The following BAZ2B variants were observed in gnomAD, a reference collection of about 807,000 sequenced individuals.
BAZ2B encodes the protein bromodomain adjacent to zinc finger domain 2B.
BAZ2B carries 91 observed loss-of-function variants against 246.0 expected under a neutral mutation model. The observed-to-expected ratio is 0.37, with a 90% CI of 0.31 to 0.44. The LOEUF (loss-of-function observed/expected upper bound fraction) is 0.44, where lower values mean the gene tolerates loss of function less well. BAZ2B is among the 20% of genes least tolerant of loss of function. The pLI is 1.00. For missense variants in BAZ2B, 2,332 were observed against 2,533.7 expected (o/e 0.92, Z 1.71); for synonymous variants, 855 against 860.0 (o/e 0.99, Z 0.10).
the BAZ2B span, among the ~76,000 whole-genome samples, chr2:159,630,015 A>G: frequency 2.0e-5 from 3 of 152,320 alleles, no homozygotes; most frequent in Non-Finnish European, 4.4e-5. Flanking sequence ...AAAACCTTTA[A>G]AAAAACATGG....
Position 159,446,923 on chromosome 2 carries a change from G to C in BAZ2B, c.555C>G (p.Asn185Lys), listed in dbSNP as rs375780037. Residue 185 changes from asparagine to lysine, a missense_variant, in exon 6 of 37, where the codon AAC (asparagine) becomes AAG (lysine). Coordinates refer to ENST00000392783, the MANE Select transcript of BAZ2B (RefSeq NM_013450.4). Reference sequence around the variant, plus strand: ...AAGCAGTAGTGGATAGTACAGATGTGTTGATACCAATTACAGATGATGTAT... The same window carrying C: ...AAGCAGTAGTGGATAGTACAGATGTCTTGATACCAATTACAGATGATGTAT... ...GSNTSSVIGINTSVLSTTASS... is the reference protein window; with the variant it reads ...GSNTSSVIGIKTSVLSTTASS... 4 of 1,598,436 alleles carry C rather than the reference G, an allele frequency of 2.5e-6. No individual in the cohort carries two copies. The highest frequency in any genetic ancestry group is 3.4e-6 in the Non-Finnish European group (4 of 1,173,610).
intron 2 of BAZ2B, among the ~76,000 whole-genome samples, chr2:159,482,663 T>C (rs1483126852): frequency 6.6e-6 from 1 of 152,206 alleles, no homozygotes; most frequent in Non-Finnish European, 1.5e-5. Flanking sequence ...TGTCTCATAA[T>C]TGTACCGATA....
intron 3 of BAZ2B, 32 bp downstream of exon 3, chr2:159,478,543 A>C: frequency 6.4e-7 from 1 of 1,565,150 alleles, no homozygotes; most frequent in South Asian, 1.2e-5. Context: ...AAAGAATGGC[A>C]TTCTAAAATT....
intron 2 of BAZ2B, among the ~76,000 whole-genome samples, chr2:159,527,773 GA>G (rs952386991): frequency 2.0e-5 from 3 of 152,100 alleles, no homozygotes; most frequent in Admixed American, 1.3e-4. Flanking sequence ...ACACACAGGA[GA>G]AAAAACACAA....
At chr2:159,479,855 A>C (rs2079049746) in intron 2 of BAZ2B, among the ~76,000 whole-genome samples, 1 of 152,192 alleles carries the variant, frequency 6.6e-6, no homozygotes, top group Non-Finnish European at 1.5e-5. Flanking sequence ...AATCATATAG[A>C]ATTCAAAAAC....
intron 11 of BAZ2B, 112 bp from the exon 12 acceptor site, chr2:159,428,531 AAAAAT>A (rs2070427446): frequency 1.4e-6 from 1 of 692,432 alleles, no homozygotes; most frequent in African/African-American, 1.8e-5. Context: ...AAATGAAAAC[AAAAAT>A]AAACTCCTCA....
At chr2:159,569,583 G>T (rs1383145454) in intron 1 of BAZ2B, among the ~76,000 whole-genome samples, 9 of 152,148 alleles carry the variant, frequency 5.9e-5, no homozygotes, top group Middle Eastern at 3.4e-3. Flanking sequence ...TATAATAAAA[G>T]ATATTTAAAC....
intron 2 of BAZ2B, among the ~76,000 whole-genome samples, chr2:159,488,712 G>A (rs1185285697): frequency 6.6e-6 from 1 of 151,720 alleles, no homozygotes; most frequent in Non-Finnish European, 1.5e-5. Context: ...TTTTTTAGGG[G>A]GAAGAACTAA....
intron 13 of BAZ2B, among the ~76,000 whole-genome samples, chr2:159,421,246 T>C (rs1020489243): frequency 6.6e-6 from 1 of 151,958 alleles, no homozygotes; most frequent in Non-Finnish European, 1.5e-5. Context: ...ATGATCATAG[T>C]TCTCTGTAGT....
chr2:159,672,656 C>A, the BAZ2B span, among the ~76,000 whole-genome samples: 1 of 152,104 alleles, frequency 6.6e-6, no homozygotes. Context: ...ACTCCTCCCC[C>A]TGAATAGACA....
chr2:159,698,971 A>G, the BAZ2B span, among the ~76,000 whole-genome samples: 1 of 152,224 alleles, frequency 6.6e-6, no homozygotes, highest in African/African-American at 2.4e-5. Context: ...AAGCAATTTA[A>G]AACACAAAAA....
At chr2:159,622,839 A>G in the BAZ2B span, among the ~76,000 whole-genome samples, 3 of 151,936 alleles carry the variant, frequency 2.0e-5, no homozygotes, top group East Asian at 5.8e-4. Context: ...TCTACAAAAA[A>G]TACAAAAAGT....
chr2:159,597,966 G>A (rs1453268101), intron 1 of BAZ2B, among the ~76,000 whole-genome samples: 2 of 150,366 alleles, frequency 1.3e-5, no homozygotes, highest in Admixed American at 6.7e-5. Context: ...ATTTCCCAGA[G>A]TGCCTCAATA....
the BAZ2B span, among the ~76,000 whole-genome samples, chr2:159,646,186 C>T: frequency 6.6e-6 from 1 of 152,138 alleles, no homozygotes; most frequent in African/African-American, 2.4e-5. Flanking sequence ...CCCTCAGGGG[C>T]GCATTCTCTT....
chr2:159,496,375 T>TA (rs58900011), intron 2 of BAZ2B, among the ~76,000 whole-genome samples: 2,065 of 58,920 alleles, frequency 0.035, 103 homozygotes, highest in African/African-American at 0.11. Flanking sequence ...AGACTCCATC[T>TA]AAAAAAAAAA....
At chr2:159,507,995 C>T (rs1025265595) in intron 2 of BAZ2B, among the ~76,000 whole-genome samples, 3 of 152,102 alleles carry the variant, frequency 2.0e-5, no homozygotes, top group African/African-American at 7.2e-5. Flanking sequence ...CTCAGTTTCC[C>T]GATTAGCTGG....
chr2:159,705,165 T>C, the BAZ2B span, among the ~76,000 whole-genome samples: 1 of 151,906 alleles, frequency 6.6e-6, no homozygotes, highest in Non-Finnish European at 1.5e-5. Flanking sequence ...TGACTACAGG[T>C]GTGTGCCATA....
At chr2:159,411,938 C>T in intron 14 of BAZ2B, 1 of 985,382 alleles carries the variant, frequency 1.0e-6, no homozygotes, top group Non-Finnish European at 1.2e-6. Flanking sequence ...TGAAAATTTA[C>T]TCCACAGATC....
chr2:159,557,906 C>T (rs1231138253), intron 1 of BAZ2B, among the ~76,000 whole-genome samples: 2 of 151,218 alleles, frequency 1.3e-5, no homozygotes, highest in African/African-American at 4.9e-5. Flanking sequence ...CTGCAAGAAG[C>T]ATTTGGGAAG....
Sources: gnomAD v4.1 joint callset for allele counts (sites outside exome capture counted in the v4.1 genomes callset) on GRCh38, gnomAD v4.1.1 for gene constraint, MANE v1.5 for transcripts, NCBI Gene and HGNC (gene_info 2026-07-23, HGNC 2026-07-21) for gene names.